The following ACSM3 variants were observed in gnomAD, a reference collection of about 807,000 sequenced individuals.
The protein encoded by ACSM3 is acyl-coenzyme A synthetase ACSM3, mitochondrial.
ACSM3 carries 61 observed loss-of-function variants against 74.1 expected under a neutral mutation model. The ratio of observed to expected loss-of-function variants is 0.82; its 90% CI spans 0.67 to 1.02. The LOEUF (loss-of-function observed/expected upper bound fraction) is 1.02, where lower values mean the gene tolerates loss of function less well. ACSM3 is among the 50% of genes least tolerant of loss of function. The pLI is 0.00. For missense variants in ACSM3, 660 were observed against 697.0 expected (o/e 0.95, Z 0.60); for synonymous variants, 213 against 241.5 (o/e 0.88, Z 1.09).
chr16:20,732,079 T>C (rs1567327213), intron 1 of ACSM3, among the ~76,000 whole-genome samples: 1 of 152,184 alleles, frequency 6.6e-6, no homozygotes, highest in Non-Finnish European at 1.5e-5. Context: ...TTGGCCCTAA[T>C]ACCCATATAA....
chr16:20,768,892 C>T (rs1341566003), intron 1 of ACSM3, among the ~76,000 whole-genome samples: 1 of 152,156 alleles, frequency 6.6e-6, no homozygotes, highest in Non-Finnish European at 1.5e-5. Context: ...GTCAGGTCTT[C>T]ACACACATAA....
chr16:20,734,805 A>C lies in ACSM3; in HGVS notation c.-189-15105A>C, dbSNP rs374209879. On this transcript the variant is annotated intron_variant, in intron 1 of 3. Transcript: ENST00000561584. The stretch of plus-strand genomic sequence containing the variant: ...TGTGAGTGTGAGCACTAAGTTGAAG[A>C]ATACTCTTATTTCACAGAAATCTAG... The C allele has an allele frequency of 5.3e-5, 8 of 152,344 alleles. No homozygotes were observed. In the East Asian group the frequency reaches 1.2e-3, roughly 22 times the overall value. 9.4% of individuals were successfully genotyped at this position (152,344 alleles called of 1,614,324 possible). A position where few individuals can be genotyped will look rare whatever the true frequency, so the allele number is the denominator to read the frequency against.
At position 20,711,707 on chromosome 16, in the gene ACSM3, G is replaced by T. The variant is rs1021948689; in HGVS notation, c.-190+36885G>T. On this transcript the variant is annotated intron_variant, in intron 1 of 3. Transcript: ENST00000561584. ...TGAGTATTTTTCCCAGCCAATCTACGCTGCCAGCAACAACACAAATTATTG... is the reference window on the plus strand; with the variant it reads ...TGAGTATTTTTCCCAGCCAATCTACTCTGCCAGCAACAACACAAATTATTG... The T allele has an allele frequency of 1.9e-5, 9 of 474,700 alleles. No homozygotes were observed. In the East Asian group the frequency reaches 4.4e-4, roughly 23 times the overall value. The allele number at this position is 474,700 out of a possible 1,614,324, so 29.4% of individuals were successfully genotyped here. A position where few individuals can be genotyped will look rare whatever the true frequency, so the allele number is the denominator to read the frequency against.
intron 8 of ACSM3, 80 bp from the exon 9 acceptor site, chr16:20,785,998 T>C (rs1183239863): frequency 2.1e-6 from 2 of 955,824 alleles, no homozygotes; most frequent in East Asian, 5.5e-5. Flanking sequence ...CAATAAATAA[T>C]TTGTTGAATG....
At chr16:20,688,992 A>G (rs983467572) in intron 1 of ACSM3, among the ~76,000 whole-genome samples, 2 of 148,394 alleles carry the variant, frequency 1.3e-5, no homozygotes, top group African/African-American at 4.9e-5. Flanking sequence ...ATGTTAATAT[A>G]TTATATTATA....
intron 1 of ACSM3, chr16:20,741,918 AG>A (rs2079930724): frequency 6.5e-7 from 1 of 1,534,020 alleles, no homozygotes; most frequent in African/African-American, 1.4e-5. Context: ...AAAGGGGTGG[AG>A]TGATACCCGC....
chr16:20,682,156 T>C lies in ACSM3; in HGVS notation c.-190+7334T>C. 3.4e-6 allele frequency: 4 copies of C among 1,180,844 alleles called. No homozygotes were observed. The East Asian group carries it at 1.0e-4, about 30-fold the overall frequency. The allele number at this position is 1,180,844 out of a possible 1,614,324, so 73.1% of individuals were successfully genotyped here. ...ATCTGACTGGGCTGGTGCACCTAAA[T>C]AATAAATACATCCTCCTCAACCCCA... On this transcript the variant is annotated intron_variant, in intron 1 of 3. Coordinates refer to the ACSM3 transcript ENST00000561584.
At chr16:20,716,365 C>T (rs2079761553) in intron 1 of ACSM3, among the ~76,000 whole-genome samples, 1 of 152,056 alleles carries the variant, frequency 6.6e-6, no homozygotes, top group Admixed American at 6.6e-5. Flanking sequence ...CCCCTCGTGG[C>T]CTTTGGAACA....
chr16:20,778,339 C>T (rs1326685582), intron 4 of ACSM3, among the ~76,000 whole-genome samples: 2 of 152,192 alleles, frequency 1.3e-5, no homozygotes, highest in Non-Finnish European at 2.9e-5. Flanking sequence ...GAGCTTCCTA[C>T]CTTTACTCAA....
At chr16:20,772,956 A>G (rs1346618845) in intron 2 of ACSM3, among the ~76,000 whole-genome samples, 2 of 150,052 alleles carry the variant, frequency 1.3e-5, no homozygotes, top group Non-Finnish European at 3.0e-5. Context: ...GACAAGAGTG[A>G]GACTCCCTCT....
At chr16:20,679,333 G>A (rs1324526631) in intron 1 of ACSM3, 1 of 152,220 alleles carries the variant, frequency 6.6e-6, no homozygotes, top group Non-Finnish European at 1.5e-5. Context: ...CCACACTGGA[G>A]GCTGGTCAGT....
At chr16:20,725,174 C>G (rs1006634303) in intron 1 of ACSM3, among the ~76,000 whole-genome samples, 1 of 152,072 alleles carries the variant, frequency 6.6e-6, no homozygotes, top group African/African-American at 2.4e-5. Flanking sequence ...GTACTGGTAC[C>G]AAAACAGAGA....
intron 1 of ACSM3, among the ~76,000 whole-genome samples, chr16:20,675,548 T>C (rs1000699880): frequency 3.9e-5 from 6 of 152,166 alleles, no homozygotes; most frequent in African/African-American, 1.2e-4. Context: ...AGGAAAAGCA[T>C]GGAAACCAAC....
intron 1 of ACSM3, among the ~76,000 whole-genome samples, chr16:20,717,710 G>GA (rs1465826771): frequency 2.6e-5 from 4 of 151,196 alleles, no homozygotes; most frequent in Non-Finnish European, 4.4e-5. Context: ...AAAGCACTTG[G>GA]AAAAAAAATC....
At chr16:20,682,737 CA>C in intron 1 of ACSM3, among the ~76,000 whole-genome samples, 1 of 151,912 alleles carries the variant, frequency 6.6e-6, no homozygotes, top group Non-Finnish European at 1.5e-5. Context: ...TGGATCTAGC[CA>C]AAAAATGGGT....
chr16:20,686,496 G>A (rs1273598991), intron 1 of ACSM3, among the ~76,000 whole-genome samples: 1 of 152,130 alleles, frequency 6.6e-6, no homozygotes, highest in Admixed American at 6.5e-5. Context: ...GGGAGGGAGA[G>A]CATTAGGACA....
At chr16:20,680,516 C>T (rs1235172969) in intron 1 of ACSM3, 2 of 152,212 alleles carry the variant, frequency 1.3e-5, no homozygotes, top group African/African-American at 4.8e-5. Context: ...GAATTAATGC[C>T]ACAAGATAAC....
At chr16:20,684,990 G>C (rs566786802) in intron 1 of ACSM3, among the ~76,000 whole-genome samples, 25 of 152,202 alleles carry the variant, frequency 1.6e-4, no homozygotes, top group Non-Finnish European at 3.1e-4. Flanking sequence ...AGGAGGTACA[G>C]AGAAGAGAAA....
intron 4 of ACSM3, among the ~76,000 whole-genome samples, chr16:20,778,630 G>A (rs1363249919): frequency 6.6e-6 from 1 of 152,094 alleles, no homozygotes; most frequent in Non-Finnish European, 1.5e-5. Flanking sequence ...GGCAGTATGG[G>A]TGCTGAGCCT....
Sources: gnomAD v4.1 joint callset for allele counts (sites outside exome capture counted in the v4.1 genomes callset) on GRCh38, gnomAD v4.1.1 for gene constraint, MANE v1.5 for transcripts, NCBI Gene and HGNC (gene_info 2026-07-23, HGNC 2026-07-21) for gene names.